The following TCEA3 variants were observed in gnomAD, a reference collection of about 807,000 sequenced individuals.
The protein encoded by TCEA3 is transcription elongation factor A protein 3.
Under a neutral mutation model 44.0 loss-of-function variants are expected in TCEA3, and 36 were observed. The observed-to-expected ratio is 0.82, with a 90% confidence interval of 0.63 to 1.08. TCEA3 has a LOEUF of 1.08. TCEA3 is among the 50% of genes least tolerant of loss of function. The pLI is 0.00. For synonymous variants in TCEA3, 162 were observed against 159.7 expected (o/e 1.01, Z -0.11); for missense variants, 392 against 441.2 (o/e 0.89, Z 1.00).
At position 23,424,558 on chromosome 1, in the gene TCEA3, G is replaced by C; in HGVS notation, c.69+7C>G. Reference sequence around the variant, plus strand: ...CGGGGGCCGTGGCCCAAACTCTGCAGCCTCACCGTGTTCTTCCTGGCCACC... The same window carrying C: ...CGGGGGCCGTGGCCCAAACTCTGCACCCTCACCGTGTTCTTCCTGGCCACC... On this transcript the variant is annotated splice_region_variant and intron_variant, in intron 1 of 10. Coordinates refer to ENST00000450454, the MANE Select transcript of TCEA3 (RefSeq NM_003196.3). 6.2e-7 allele frequency: 1 copy of C among 1,606,478 alleles called. No homozygotes were observed. The highest frequency in any genetic ancestry group is 1.3e-5 in the African/African-American group (1 of 74,734).
intron 7 of TCEA3, among the ~76,000 whole-genome samples, chr1:23,396,823 T>C (rs1231778430): frequency 6.6e-6 from 1 of 151,832 alleles, no homozygotes; most frequent in African/African-American, 2.4e-5. Flanking sequence ...CTGACCAACA[T>C]CGTGAAACCC....
chr1:23,410,498 T>C (rs1639676565), intron 4 of TCEA3, among the ~76,000 whole-genome samples: 1 of 151,980 alleles, frequency 6.6e-6, no homozygotes, highest in Non-Finnish European at 1.5e-5. Context: ...GTCTAAAGAT[T>C]AGACCGTAAG....
intron 10 of TCEA3, chr1:23,383,512 G>C: frequency 2.2e-6 from 2 of 928,410 alleles, no homozygotes; most frequent in Non-Finnish European, 2.6e-6. Flanking sequence ...CTGGGAGAAA[G>C]GCATTATTAT....
At chr1:23,408,280 A>G (rs1393046298) in intron 5 of TCEA3, among the ~76,000 whole-genome samples, 1 of 151,734 alleles carries the variant, frequency 6.6e-6, no homozygotes, top group Non-Finnish European at 1.5e-5. Context: ...GGCTTTCAAG[A>G]CCTCTGTCCC....
At chr1:23,422,120 G>T (rs1411982239) in intron 1 of TCEA3, among the ~76,000 whole-genome samples, 1 of 152,236 alleles carries the variant, frequency 6.6e-6, no homozygotes, top group Non-Finnish European at 1.5e-5. Context: ...TGACGCCTGT[G>T]TTATAAGATC....
intron 8 of TCEA3, among the ~76,000 whole-genome samples, chr1:23,387,837 G>A (rs1051148030): frequency 6.6e-6 from 1 of 152,002 alleles, no homozygotes; most frequent in African/African-American, 2.4e-5. Flanking sequence ...GCTCTTTTAC[G>A]CTGTGATCAC....
At chr1:23,420,756 G>A (rs1211042770) in intron 1 of TCEA3, among the ~76,000 whole-genome samples, 1 of 152,184 alleles carries the variant, frequency 6.6e-6, no homozygotes, top group Non-Finnish European at 1.5e-5. Flanking sequence ...ATGAACTTGT[G>A]CAGAACTAAA....
intron 4 of TCEA3, among the ~76,000 whole-genome samples, chr1:23,413,440 C>A (rs80100178): frequency 6.8e-6 from 1 of 148,036 alleles, no homozygotes; most frequent in East Asian, 2.1e-4. Flanking sequence ...TATGTATGTT[C>A]TTTTTGTTTT....
intron 4 of TCEA3, among the ~76,000 whole-genome samples, chr1:23,414,847 A>G (rs1639839698): frequency 6.6e-6 from 1 of 152,184 alleles, no homozygotes; most frequent in South Asian, 2.1e-4. Context: ...TTAAGAAGAA[A>G]GAACGGAGAA....
intron 5 of TCEA3, among the ~76,000 whole-genome samples, chr1:23,408,270 G>A (rs1013964544): frequency 2.6e-5 from 4 of 152,114 alleles, no homozygotes; most frequent in South Asian, 2.1e-4. Context: ...CCTAGGTATC[G>A]GCTTTCAAGA....
chr1:23,424,373 A>C (rs1161613843), intron 1 of TCEA3, among the ~76,000 whole-genome samples, 192 bp downstream of exon 1: 2 of 151,472 alleles, frequency 1.3e-5, no homozygotes, highest in Non-Finnish European at 2.9e-5. Flanking sequence ...TGGGCCACGC[A>C]CACGCCCACC....
At chr1:23,384,093 C>T in intron 10 of TCEA3, 1 of 1,330,084 alleles carries the variant, frequency 7.5e-7, no homozygotes, top group Non-Finnish European at 9.6e-7. Flanking sequence ...CAGACTTGCT[C>T]ATCCTGTGAT....
chr1:23,387,228 C>T, intron 9 of TCEA3, 45 bp downstream of exon 9: 1 of 1,603,722 alleles, frequency 6.2e-7, no homozygotes. Flanking sequence ...CCTCTATGCC[C>T]CTGCGGCCTC....
Position 23,397,838 on chromosome 1 carries a change from G to A in TCEA3, c.561C>T (p.Val187=), listed in dbSNP as rs755387198. 5.4e-5 allele frequency: 87 copies of A among 1,613,808 alleles called. No individual in the cohort carries two copies. Among genetic ancestry groups the A allele is most frequent in the Non-Finnish European group, 6.7e-5 (79 of 1,179,902 alleles). ...LAPCYLTGDS[V]RDKCVEMLSA... ...ACAGCATCTCCACACACTTGTCCCG[G>A]ACAGAGTCCCCTGTGAGATAGCAGG... The change falls in exon 6 of 11, where the codon GTC becomes GTT. Residue 187 remains valine, a synonymous_variant. Coordinates refer to ENST00000450454, the MANE Select transcript of TCEA3 (RefSeq NM_003196.3).
At chr1:23,386,963 G>A (rs1026767481) in intron 9 of TCEA3, among the ~76,000 whole-genome samples, 2 of 152,142 alleles carry the variant, frequency 1.3e-5, no homozygotes, top group Middle Eastern at 3.4e-3. Context: ...CTCGTGATCC[G>A]CCCGTCTTGG....
intron 4 of TCEA3, among the ~76,000 whole-genome samples, chr1:23,413,073 G>C (rs1179124808): frequency 6.6e-6 from 1 of 152,084 alleles, no homozygotes; most frequent in Non-Finnish European, 1.5e-5. Context: ...TAGTGTCCCA[G>C]GAAAATGTAT....
chr1:23,401,815 G>A (rs1029366718), intron 5 of TCEA3, among the ~76,000 whole-genome samples: 1 of 152,086 alleles, frequency 6.6e-6, no homozygotes, highest in Non-Finnish European at 1.5e-5. Flanking sequence ...GTTAGGAACC[G>A]GGCCACACAT....
intron 9 of TCEA3, among the ~76,000 whole-genome samples, chr1:23,386,510 T>A (rs1451231686): frequency 6.6e-6 from 1 of 152,092 alleles, no homozygotes; most frequent in Non-Finnish European, 1.5e-5. Context: ...AGTGCTGGGA[T>A]TACAGGCGTG....
intron 5 of TCEA3, among the ~76,000 whole-genome samples, chr1:23,407,865 T>C (rs1286048882): frequency 1.3e-5 from 2 of 152,178 alleles, no homozygotes; most frequent in Admixed American, 1.3e-4. Flanking sequence ...TAATTTTGGG[T>C]AGACATCCTA....
Sources: allele counts gnomAD v4.1 joint callset (sites outside exome capture counted in the v4.1 genomes callset), GRCh38; gene constraint gnomAD v4.1.1; transcripts MANE v1.5; gene names NCBI Gene and HGNC (gene_info 2026-07-23, HGNC 2026-07-21).